B4GAT1: variants seen among roughly 807,000 people sequenced by gnomAD.
B4GAT1 encodes N-acetyllactosaminide beta-1,3-N-acetylglucosaminyltransferase.
Under a neutral mutation model 35.0 loss-of-function variants are expected in B4GAT1, and 18 were observed. The ratio of observed to expected loss-of-function variants is 0.51; its 90% CI spans 0.36 to 0.76. The LOEUF (loss-of-function observed/expected upper bound fraction) is 0.76, where lower values mean the gene tolerates loss of function less well. Among genes scored for constraint, B4GAT1 ranks in the 30% least tolerant of loss-of-function variants. The pLI is 0.01. For missense variants in B4GAT1, 458 were observed against 555.0 expected, an observed-to-expected ratio of 0.83 and a Z score of 1.76; for synonymous variants, 217 against 251.6, an observed-to-expected ratio of 0.86 and a Z score of 1.30.
In B4GAT1 at chr11:66,347,320, T is replaced by C. The variant is rs1085307691; in HGVS notation, c.226A>G (p.Ser76Gly). The C allele has an allele frequency of 1.1e-5, 18 of 1,573,744 alleles. 1 individual carries two copies. The highest frequency in any genetic ancestry group is 2.3e-5 in the East Asian group (1 of 42,556). Residue 76 changes from serine (S) to glycine (G), a missense_variant, in exon 1 of 2, where the codon AGC becomes GGC. Coordinates refer to ENST00000311181, the MANE Select transcript of B4GAT1 (RefSeq NM_006876.3). This position sits in a 1 kb window ranked among gnomAD's most constrained non-coding sequence, Gnocchi z 6.3. ...CCCCTGTAGACGCGGTAATCGCCGC[T>C]AGCGTCCAGGACGCCTCCAGAGGCC... is the stretch of plus-strand genomic sequence containing the variant. ...ALASGGVLDASGDYRVYRGLL... is the reference protein window; with the variant it reads ...ALASGGVLDAGGDYRVYRGLL...
chr11:66,346,007 G>C lies in B4GAT1; in HGVS notation c.*42C>G, dbSNP rs1269088096. The C allele has an allele frequency of 6.3e-7, 1 of 1,582,116 alleles. No individual in the cohort carries two copies. ...CAGTCAGGCCTAAATGGTGGCCTGA[G>C]GAGCCAAGAGGCTGACTTCTCAGAT... On this transcript the variant is annotated 3_prime_UTR_variant, in exon 2 of 2. Coordinates refer to ENST00000311181, the MANE Select transcript of B4GAT1 (RefSeq NM_006876.3). The surrounding 1 kb of genome is among the most constrained non-coding windows in gnomAD (Gnocchi z 6.1).
chr11:66,346,677 C>A lies in B4GAT1; in HGVS notation c.869G>T (p.Gly290Val). Reference sequence around the variant, plus strand: ...GGGTGCCTGGCAGGGGGTGCACAACCCATAATAGAAGGGCCGCACCTCGCC... The same window carrying A: ...GGGTGCCTGGCAGGGGGTGCACAACACATAATAGAAGGGCCGCACCTCGCC... ...QVGEVRPFYYGLCTPCQAPTN... is the reference protein window; with the variant it reads ...QVGEVRPFYYVLCTPCQAPTN... Residue 290 changes from glycine (G) to valine (V), a missense_variant, in exon 1 of 2, where the codon GGG (glycine) becomes GTG (valine). Gly to Val is a moderately radical substitution (Grantham distance 109). Coordinates refer to ENST00000311181, the MANE Select transcript of B4GAT1 (RefSeq NM_006876.3). This position sits in a 1 kb window ranked among gnomAD's most constrained non-coding sequence, Gnocchi z 6.1. 6.2e-7 allele frequency: 1 copy of A among 1,613,826 alleles called. No individual in the cohort carries two copies. The highest frequency in any genetic ancestry group is 8.5e-7 in the Non-Finnish European group (1 of 1,180,034).
In B4GAT1 at chr11:66,346,849, T is replaced by G; in HGVS notation, c.697A>C (p.Ser233Arg). Residue 233 changes from serine (S) to arginine (R), a missense_variant, in exon 1 of 2, where the codon AGC becomes CGC. Transcript: ENST00000311181. This position sits in a 1 kb window ranked among gnomAD's most constrained non-coding sequence, Gnocchi z 6.1. ...ALVIDVDMVPSEGLWRGLREM... is the reference protein window; with the variant it reads ...ALVIDVDMVPREGLWRGLREM... The stretch of plus-strand genomic sequence containing the variant: ...CGCAGGCCTCTCCACAGCCCCTCGC[T>G]GGGCACCATGTCCACATCGATCACC... 6.2e-7 allele frequency: 1 copy of G among 1,613,718 alleles called. No individual in the cohort carries two copies. The highest frequency in any genetic ancestry group is 8.5e-7 in the Non-Finnish European group (1 of 1,179,962).
Position 66,347,374 on chromosome 11 carries a change from G to C in B4GAT1, c.172C>G (p.Gln58Glu). ...GCGGTGCGGAGCTGCGCCTTGACCT[G>C]GTCCACGGACCGTGGGGACGGGGGA... ...FFPPSPRSVDQVKAQLRTALA... is the reference protein window; with the variant it reads ...FFPPSPRSVDEVKAQLRTALA... The change falls in exon 1 of 2, where the codon CAG becomes GAG. Residue 58 changes from glutamine (Q) to glutamate (E), a missense_variant. By Grantham distance (29) the Gln-to-Glu change is conservative. Coordinates refer to ENST00000311181, the MANE Select transcript of B4GAT1 (RefSeq NM_006876.3). This position sits in a 1 kb window ranked among gnomAD's most constrained non-coding sequence, Gnocchi z 6.3. 1 of 1,589,900 alleles carries C rather than the reference G, an allele frequency of 6.3e-7. No homozygotes were observed. The highest frequency in any genetic ancestry group is 8.6e-7 in the Non-Finnish European group (1 of 1,168,548).
Position 66,347,569 on chromosome 11 carries a change from A to G in B4GAT1, c.-24T>C. 1 of 1,277,266 alleles carries G rather than the reference A, an allele frequency of 7.8e-7. No homozygotes were observed. The highest frequency in any genetic ancestry group is 3.0e-5 in the East Asian group (1 of 33,544). 79.1% of individuals were successfully genotyped at this position (1,277,266 alleles called of 1,614,324 possible). On this transcript the variant is annotated 5_prime_UTR_variant, in exon 1 of 2. Transcript: ENST00000311181. The surrounding 1 kb of genome is among the most constrained non-coding windows in gnomAD (Gnocchi z 6.3). ...ATGGCTCTCGGGGCTCGGGGCGCGC[A>G]GCAACGACCACCCGGCCACAGACTA...
Position 66,345,885 on chromosome 11 carries a change from A to T in B4GAT1, c.*164T>A. The T allele has an allele frequency of 1.5e-6, 1 of 686,650 alleles. No individual in the cohort carries two copies. Among genetic ancestry groups the T allele is most frequent in the Non-Finnish European group, 2.4e-6 (1 of 417,242 alleles). The allele number at this position is 686,650 out of a possible 1,614,324, so 42.5% of individuals were successfully genotyped here. On this transcript the variant is annotated 3_prime_UTR_variant, in exon 2 of 2. Transcript: ENST00000311181. ...TTTACTCAAGGCCACACAGCTAGTT[A>T]GTGGTAAAGCTAGGAATCGATCCCA...
In B4GAT1 at chr11:66,347,139, G is replaced by C. The variant is rs1266116311; in HGVS notation, c.407C>G (p.Thr136Arg). The change falls in exon 1 of 2, where the codon ACG (threonine) becomes AGG (arginine). Residue 136 changes from threonine to arginine, a missense_variant. Coordinates refer to ENST00000311181, the MANE Select transcript of B4GAT1 (RefSeq NM_006876.3). The surrounding 1 kb of genome is among the most constrained non-coding windows in gnomAD (Gnocchi z 6.3). ...AATKEEAQLATVLAYALSSHC... is the reference protein window; with the variant it reads ...AATKEEAQLARVLAYALSSHC... ...GCTGCTCAGCGCGTAGGCCAGCACC[G>C]TGGCCAGCTGCGCCTCCTCCTTGGT... The C allele has an allele frequency of 1.9e-6, 3 of 1,593,306 alleles. No individual in the cohort carries two copies. The South Asian group carries it at 3.4e-5, about 18-fold the overall frequency.
rs557755436 is a variant in B4GAT1, at chr11:66,345,793, C to G, written c.*256G>C. 7 of 454,278 alleles carry G rather than the reference C, an allele frequency of 1.5e-5. No individual in the cohort carries two copies. In the South Asian group the frequency reaches 3.3e-4, roughly 21 times the overall value. 28.1% of individuals were successfully genotyped at this position (454,278 alleles called of 1,614,324 possible). A position where few individuals can be genotyped will look rare whatever the true frequency, so the allele number is the denominator to read the frequency against. On this transcript the variant is annotated 3_prime_UTR_variant, in exon 2 of 2. Coordinates refer to ENST00000311181, the MANE Select transcript of B4GAT1 (RefSeq NM_006876.3). ...TCTCATCTGAGCCTCCCAACAGTTC[C>G]GTGAGGTAGGTATTCTCACCTCCCT...
chr11:66,346,259 G>A lies in B4GAT1; in HGVS notation c.1057-19C>T, dbSNP rs1855211228. Reference sequence around the variant, plus strand: ...CGCAGGCCTGCAGGAGGAAAGACAGGTTAGCAAAGTTTGATGACATTGACA... The same window carrying A: ...CGCAGGCCTGCAGGAGGAAAGACAGATTAGCAAAGTTTGATGACATTGACA... On this transcript the variant is annotated intron_variant, in intron 1 of 1. Coordinates refer to ENST00000311181, the MANE Select transcript of B4GAT1 (RefSeq NM_006876.3). The surrounding 1 kb of genome is among the most constrained non-coding windows in gnomAD (Gnocchi z 6.1). 1 of 1,608,230 alleles carries A rather than the reference G, an allele frequency of 6.2e-7. No individual in the cohort carries two copies. The highest frequency in any genetic ancestry group is 8.5e-7 in the Non-Finnish European group (1 of 1,175,452).
Position 66,346,082 on chromosome 11 carries a change from C to T in B4GAT1, c.1215G>A (p.Lys405=). 1 of 1,613,416 alleles carries T rather than the reference C, an allele frequency of 6.2e-7. No individual in the cohort carries two copies. Among genetic ancestry groups the T allele is most frequent in the East Asian group, 2.2e-5 (1 of 44,870 alleles). The change falls in exon 2 of 2, where the codon AAG becomes AAA. Residue 405 remains lysine, a synonymous_variant. Transcript: ENST00000311181. The surrounding 1 kb of genome is among the most constrained non-coding windows in gnomAD (Gnocchi z 6.1). ...GTCGGGGAGAGTTGGGGTACTTGGCCTTCAACTCCTGTTTGAACTGGCGAT... is the reference window on the plus strand; with the variant it reads ...GTCGGGGAGAGTTGGGGTACTTGGCTTTCAACTCCTGTTTGAACTGGCGAT... The part of the protein sequence containing the change: ...ILYRQFKQEL[K]AKYPNSPRRC
Position 66,345,816 on chromosome 11 carries a change from C to T in B4GAT1, c.*233G>A. 3 of 488,264 alleles carry T rather than the reference C, an allele frequency of 6.1e-6. No individual in the cohort carries two copies. Among genetic ancestry groups the T allele is most frequent in the Admixed American group, 3.5e-5 (1 of 28,260 alleles). The allele number at this position is 488,264 out of a possible 1,614,324, so 30.2% of individuals were successfully genotyped here. On this transcript the variant is annotated 3_prime_UTR_variant, in exon 2 of 2. Coordinates refer to ENST00000311181, the MANE Select transcript of B4GAT1 (RefSeq NM_006876.3). ...TCCGTGAGGTAGGTATTCTCACCTCCCTTTTTACAGACAGGGTAACCGAGG... is the reference window on the plus strand; with the variant it reads ...TCCGTGAGGTAGGTATTCTCACCTCTCTTTTTACAGACAGGGTAACCGAGG...
chr11:66,347,342 G>A lies in B4GAT1; in HGVS notation c.204C>T (p.Ala68=), dbSNP rs1200054256. ...CGCTAGCGTCCAGGACGCCTCCAGA[G>A]GCCAGCGCGGTGCGGAGCTGCGCCT... ...QVKAQLRTAL[A]SGGVLDASGD... Residue 68 remains alanine, a synonymous_variant, in exon 1 of 2, where the codon GCC becomes GCT. Transcript: ENST00000311181. This position sits in a 1 kb window ranked among gnomAD's most constrained non-coding sequence, Gnocchi z 6.3. The A allele has an allele frequency of 3.8e-6, 6 of 1,579,530 alleles. No homozygotes were observed. The highest frequency in any genetic ancestry group is 5.2e-6 in the Non-Finnish European group (6 of 1,163,692).
Position 66,346,696 on chromosome 11 carries a change from C to T in B4GAT1, c.850G>A (p.Val284Met), listed in dbSNP as rs769270138. ...CACAACCCATAATAGAAGGGCCGCACCTCGCCAACCTGGTAGAGCTGCACC... is the reference window on the plus strand; with the variant it reads ...CACAACCCATAATAGAAGGGCCGCATCTCGCCAACCTGGTAGAGCTGCACC... ...ELVQLYQVGEVRPFYYGLCTP... is the reference protein window; with the variant it reads ...ELVQLYQVGEMRPFYYGLCTP... Residue 284 changes from valine (V) to methionine (M), a missense_variant, in exon 1 of 2, where the codon GTG becomes ATG. Coordinates refer to ENST00000311181, the MANE Select transcript of B4GAT1 (RefSeq NM_006876.3). The surrounding 1 kb of genome is among the most constrained non-coding windows in gnomAD (Gnocchi z 6.1). The T allele has an allele frequency of 1.2e-6, 2 of 1,613,880 alleles. No individual in the cohort carries two copies. Among genetic ancestry groups the T allele is most frequent in the Non-Finnish European group, 1.7e-6 (2 of 1,180,036 alleles).
Position 66,346,974 on chromosome 11 carries a change from C to G in B4GAT1, c.572G>C (p.Arg191Thr). Residue 191 changes from arginine (R) to threonine (T), a missense_variant, in exon 1 of 2, where the codon AGG becomes ACG. Transcript: ENST00000311181. The surrounding 1 kb of genome is among the most constrained non-coding windows in gnomAD (Gnocchi z 6.1). Reference protein sequence around the residue: ...SCQEVFDKLARVAQPGINYAL... With the variant: ...SCQEVFDKLATVAQPGINYAL... ...ATAATTAATCCCGGGCTGGGCCACC[C>G]TGGCTAGCTTGTCAAAGACCTCCTG... 6.2e-7 allele frequency: 1 copy of G among 1,610,244 alleles called. No homozygotes were observed. Among genetic ancestry groups the G allele is most frequent in the South Asian group, 1.1e-5 (1 of 91,002 alleles).
rs757331942 is a variant in B4GAT1 at position 66,345,967 on chromosome 11, C to T, written c.*82G>A. 8 of 1,427,152 alleles carry T rather than the reference C, an allele frequency of 5.6e-6. No homozygotes were observed. The highest frequency in any genetic ancestry group is 7.7e-6 in the Non-Finnish European group (8 of 1,042,428). The allele number at this position is 1,427,152 out of a possible 1,614,324, so 88.4% of individuals were successfully genotyped here. On this transcript the variant is annotated 3_prime_UTR_variant, in exon 2 of 2. Transcript: ENST00000311181. ...CCACAGCTACCTCTGTAAAGTGGAG[C>T]GACATTTCTTACCCCAGTCAGGCCT...
chr11:66,346,229 C>G lies in B4GAT1; in HGVS notation c.1068G>C (p.Leu356=), dbSNP rs748009922. ...GFNRISQACE[L]HVAGFDFEVL... ...CCTCAAAATCAAACCCCGCCACATG[C>G]AGCTCGCAGGCCTGCAGGAGGAAAG... The change falls in exon 2 of 2, where the codon CTG becomes CTC. Residue 356 remains leucine, a synonymous_variant. Transcript: ENST00000311181. This position sits in a 1 kb window ranked among gnomAD's most constrained non-coding sequence, Gnocchi z 6.1. 1.9e-6 allele frequency: 3 copies of G among 1,612,916 alleles called. No homozygotes were observed. The Admixed American group carries it at 5.0e-5, about 27-fold the overall frequency.
chr11:66,347,003 G>A lies in B4GAT1; in HGVS notation c.543C>T (p.Ser181=). The change falls in exon 1 of 2, where the codon TCC becomes TCT. Residue 181 remains serine, a synonymous_variant. Transcript: ENST00000311181. This position sits in a 1 kb window ranked among gnomAD's most constrained non-coding sequence, Gnocchi z 6.3. ...REPGEFALLR[S]CQEVFDKLAR... is the part of the protein sequence containing the mutation. ...CTAGCTTGTCAAAGACCTCCTGGCA[G>A]GACCGCAGCAGGGCAAACTCCCCCG... 6.2e-7 allele frequency: 1 copy of A among 1,602,818 alleles called. No homozygotes were observed. The highest frequency in any genetic ancestry group is 8.5e-7 in the Non-Finnish European group (1 of 1,176,334).
chr11:66,345,999 T>G lies in B4GAT1; in HGVS notation c.*50A>C, dbSNP rs1271990415. 8 of 1,560,404 alleles carry G rather than the reference T, an allele frequency of 5.1e-6. 1 individual carries two copies. Among genetic ancestry groups the G allele is most frequent in the Non-Finnish European group, 7.0e-6 (8 of 1,141,514 alleles). ...TCTTACCCCAGTCAGGCCTAAATGG[T>G]GGCCTGAGGAGCCAAGAGGCTGACT... On this transcript the variant is annotated 3_prime_UTR_variant, in exon 2 of 2. Coordinates refer to ENST00000311181, the MANE Select transcript of B4GAT1 (RefSeq NM_006876.3).
At position 66,346,867 on chromosome 11, in the gene B4GAT1, C is replaced by T. The variant is rs1288080924; in HGVS notation, c.679G>A (p.Asp227Asn). The change falls in exon 1 of 2, where the codon GAT (aspartate) becomes AAT (asparagine). Residue 227 changes from aspartate to asparagine, a missense_variant. Transcript: ENST00000311181. This position sits in a 1 kb window ranked among gnomAD's most constrained non-coding sequence, Gnocchi z 6.1. The stretch of plus-strand genomic sequence containing the variant: ...CCCTCGCTGGGCACCATGTCCACAT[C>T]GATCACCAGGGCATAGTTGGCCCCC... ...REGANYALVI[D>N]VDMVPSEGLW... 6.2e-7 allele frequency: 1 copy of T among 1,613,922 alleles called. No individual in the cohort carries two copies. The highest frequency in any genetic ancestry group is 1.7e-5 in the Admixed American group (1 of 60,024).
Sources: gnomAD v4.1 joint callset for allele counts on GRCh38, gnomAD v4.1.1 for gene constraint, Gnocchi (gnomAD v3.1) non-coding constraint, MANE v1.5 for transcripts, NCBI Gene and HGNC (gene_info 2026-07-23, HGNC 2026-07-21) for gene names.